FNDC3B: variants seen among roughly 807,000 people sequenced by gnomAD.
FNDC3B encodes the protein fibronectin type III domain-containing protein 3B.
FNDC3B carries 12 observed loss-of-function variants against 151.5 expected under a neutral mutation model. The ratio of observed to expected loss-of-function variants is 0.08; its 90% CI spans 0.05 to 0.13. The LOEUF is 0.13. Among genes scored for constraint, FNDC3B ranks in the 10% least tolerant of loss-of-function variants. The pLI is 1.00. For synonymous variants in FNDC3B, 528 were observed against 549.0 expected (o/e 0.96, Z 0.54); for missense variants, 1,214 against 1,505.3 (o/e 0.81, Z 3.20).
At chr3:172,369,521 A>G (rs1734780838) in intron 23 of FNDC3B, among the ~76,000 whole-genome samples, 1 of 152,154 alleles carries the variant, frequency 6.6e-6, no homozygotes, top group Admixed American at 6.5e-5. Context: ...CACCATCAAT[A>G]GGTATAGTGA....
chr3:172,314,647 A>C (rs1731688337), intron 11 of FNDC3B, among the ~76,000 whole-genome samples: 1 of 152,256 alleles, frequency 6.6e-6, no homozygotes, highest in African/African-American at 2.4e-5. Flanking sequence ...GTTAAACAAG[A>C]AGACAGGGCA....
rs184121481 is a variant in FNDC3B, at chr3:172,171,531, G to A, written c.187+37985G>A. On this transcript the variant is annotated intron_variant, in intron 3 of 25. Transcript: ENST00000415807. ...GGGAACACAGTATTGGTGGAGATGG[G>A]GTTGGGGGAGGTTTAGAGGGAGGAA... Among the ~76,000 whole-genome samples the A allele has an allele frequency of 6.9e-4, 105 of 152,090 alleles. 1 individual carries two copies. Among genetic ancestry groups the A allele is most frequent in the African/African-American group, 2.5e-3 (102 of 41,478 alleles).
At chr3:172,122,960 T>C (rs1720625594) in intron 2 of FNDC3B, among the ~76,000 whole-genome samples, 1 of 152,220 alleles carries the variant, frequency 6.6e-6, no homozygotes, top group Non-Finnish European at 1.5e-5. Flanking sequence ...TCAGTTCTTG[T>C]TAGCCACACC....
At position 172,352,568 on chromosome 3, in the gene FNDC3B, A is replaced by C. The variant is rs1260004306; in HGVS notation, c.2515-235A>C. Among the ~76,000 whole-genome samples, 3 of 152,222 alleles carry C rather than the reference A, an allele frequency of 2.0e-5. No individual in the cohort carries two copies. Among genetic ancestry groups the C allele is most frequent in the Non-Finnish European group, 4.4e-5 (3 of 68,046 alleles). On this transcript the variant is annotated intron_variant, in intron 21 of 25. Coordinates refer to ENST00000415807, the MANE Select transcript of FNDC3B (RefSeq NM_022763.4). This position sits in a 1 kb window ranked among gnomAD's most constrained non-coding sequence, Gnocchi z 4.2. ...CATGCAAATATAAAATATTATTTTTAAATTATTTGTCATAAGAAACGATGG... is the reference window on the plus strand; with the variant it reads ...CATGCAAATATAAAATATTATTTTTCAATTATTTGTCATAAGAAACGATGG...
intron 3 of FNDC3B, among the ~76,000 whole-genome samples, chr3:172,142,540 A>G (rs1039042308): frequency 1.3e-5 from 2 of 152,206 alleles, no homozygotes; most frequent in Non-Finnish European, 2.9e-5. Flanking sequence ...CACAGCTTGT[A>G]GTCTTTCAGT....
intron 1 of FNDC3B, among the ~76,000 whole-genome samples, chr3:172,086,552 ACT>A (rs1289237713): frequency 6.6e-6 from 1 of 152,122 alleles, no homozygotes; most frequent in African/African-American, 2.4e-5. Context: ...TGATTATGTG[ACT>A]CTTTATGTAA....
rs1295872177 is a variant in FNDC3B at position 172,330,695 on chromosome 3, G to A, written c.1534G>A (p.Glu512Lys). 1 of 1,613,082 alleles carries A rather than the reference G, an allele frequency of 6.2e-7. No individual in the cohort carries two copies. Among genetic ancestry groups the A allele is most frequent in the Non-Finnish European group, 8.5e-7 (1 of 1,179,478 alleles). ...CGAGGAAGTGATCACCTACACCTTG[G>A]AAATTCAGGAGGATGAAAATGTGAG... The part of the protein sequence containing the change: ...SPEEVITYTL[E>K]IQEDENDNLF... Residue 512 changes from glutamate (E) to lysine (K), a missense_variant, in exon 13 of 26, where the codon GAA (glutamate) becomes AAA (lysine). Physicochemically the swap from Glu to Lys is moderately conservative, Grantham distance 56. Transcript: ENST00000415807.
chr3:172,124,632 A>C (rs1720717957), intron 2 of FNDC3B, among the ~76,000 whole-genome samples: 1 of 152,244 alleles, frequency 6.6e-6, no homozygotes, highest in Admixed American at 6.5e-5. Context: ...CTAAGTGTTA[A>C]TTTTTGGCAT....
chr3:172,065,269 T>C (rs949558659), intron 1 of FNDC3B, among the ~76,000 whole-genome samples: 4 of 151,958 alleles, frequency 2.6e-5, no homozygotes, highest in African/African-American at 9.7e-5. Context: ...GAGGCGGAGG[T>C]TGCAGTGAGC....
chr3:172,130,178 T>C (rs1164859090), intron 2 of FNDC3B, among the ~76,000 whole-genome samples: 1 of 152,152 alleles, frequency 6.6e-6, no homozygotes, highest in East Asian at 1.9e-4. Flanking sequence ...CAAACTTATT[T>C]TTATCTCTGC....
chr3:172,345,031 G>T (rs544301123), intron 19 of FNDC3B, among the ~76,000 whole-genome samples: 1 of 151,898 alleles, frequency 6.6e-6, no homozygotes, highest in Non-Finnish European at 1.5e-5. Flanking sequence ...CAAATAAATA[G>T]AATTAATTAA....
At chr3:172,189,796 G>C (rs1357403680) in intron 3 of FNDC3B, among the ~76,000 whole-genome samples, 1 of 66,820 alleles carries the variant, frequency 1.5e-5, no homozygotes, top group Non-Finnish European at 2.6e-5. Flanking sequence ...GTGAGACCTT[G>C]TCTAAAAAAA....
At chr3:172,141,420 T>C (rs930123244) in intron 3 of FNDC3B, among the ~76,000 whole-genome samples, 4 of 152,236 alleles carry the variant, frequency 2.6e-5, no homozygotes, top group African/African-American at 9.6e-5. Flanking sequence ...GGTTTTCTTT[T>C]GAATAACAGC....
intron 1 of FNDC3B, among the ~76,000 whole-genome samples, chr3:172,053,122 C>G (rs1227480074): frequency 6.6e-6 from 1 of 152,092 alleles, no homozygotes; most frequent in Non-Finnish European, 1.5e-5. Context: ...ATCCATTTAT[C>G]TATATACAAA....
At chr3:172,372,286 T>C (rs1734917763) in intron 23 of FNDC3B, among the ~76,000 whole-genome samples, 1 of 152,162 alleles carries the variant, frequency 6.6e-6, no homozygotes, top group Non-Finnish European at 1.5e-5. Flanking sequence ...TGAAGCTTCA[T>C]GGGCACAGGC....
intron 10 of FNDC3B, among the ~76,000 whole-genome samples, chr3:172,309,736 A>G (rs987005237): frequency 6.6e-5 from 10 of 152,196 alleles, no homozygotes; most frequent in Non-Finnish European, 1.3e-4. Context: ...TAGAGCAATA[A>G]CAACTGTTTA....
intron 1 of FNDC3B, among the ~76,000 whole-genome samples, chr3:172,052,053 G>A (rs1716677812): frequency 6.6e-6 from 1 of 151,400 alleles, no homozygotes; most frequent in African/African-American, 2.4e-5. Flanking sequence ...AGTTTTAAAT[G>A]ATCCTTTTTA....
Position 172,167,310 on chromosome 3 carries a change from C to T in FNDC3B, c.187+33764C>T, listed in dbSNP as rs543437604. Among the ~76,000 whole-genome samples, 7 of 152,186 alleles carry T rather than the reference C, an allele frequency of 4.6e-5. No homozygotes were observed. In the South Asian group the frequency reaches 6.2e-4, roughly 14 times the overall value. On this transcript the variant is annotated intron_variant, in intron 3 of 25. Transcript: ENST00000415807. ...ACTCGGGAGGCTGAGGCACGAGAAT[C>T]GCTTGAACCCAGGAGGCAGAGGTTG...
intron 6 of FNDC3B, among the ~76,000 whole-genome samples, chr3:172,284,676 G>A (rs1033694883): frequency 1.3e-5 from 2 of 149,784 alleles, no homozygotes; most frequent in Non-Finnish European, 3.0e-5. Flanking sequence ...CCAAGTGCCT[G>A]CTTATTATAC....
Sources: allele counts gnomAD v4.1 joint callset (sites outside exome capture counted in the v4.1 genomes callset), GRCh38; gene constraint gnomAD v4.1.1; non-coding constraint Gnocchi (gnomAD v3.1); transcripts MANE v1.5; gene names NCBI Gene and HGNC (gene_info 2026-07-23, HGNC 2026-07-21).